POU2F3: variants seen among roughly 807,000 people sequenced by gnomAD.
The protein encoded by POU2F3 is POU domain, class 2, transcription factor 3.
A neutral mutation model predicts 59.2 loss-of-function variants in POU2F3; 23 were observed. The observed-to-expected ratio is 0.39, with a 90% confidence interval of 0.28 to 0.55. POU2F3 has a LOEUF of 0.55. POU2F3 is among the 20% of genes least tolerant of loss of function. The probability of loss-of-function intolerance (pLI) is 0.66; values close to 1 mark genes in which losing one functional copy is unlikely to be tolerated. For synonymous variants in POU2F3, 190 were observed against 214.6 expected, an observed-to-expected ratio of 0.89 and a Z score of 1.00; for missense variants, 473 against 544.5, an observed-to-expected ratio of 0.87 and a Z score of 1.31.
intron 1 of POU2F3, among the ~76,000 whole-genome samples, chr11:120,244,630 C>G (rs1261769836): frequency 6.6e-6 from 1 of 152,198 alleles, no homozygotes; most frequent in Non-Finnish European, 1.5e-5. Context: ...ACTTCCTGTG[C>G]ACCTTTCCAG....
chr11:120,299,540 C>T (rs1476462179), intron 4 of POU2F3, 84 bp from the exon 5 acceptor site: 3 of 1,268,026 alleles, frequency 2.4e-6, no homozygotes, highest in African/African-American at 2.9e-5. Flanking sequence ...CTGGAGACCC[C>T]TGGGACGGAC....
chr11:120,250,096 C>T (rs1035279108), intron 2 of POU2F3: 1 of 152,208 alleles, frequency 6.6e-6, no homozygotes, highest in Non-Finnish European at 1.5e-5. Context: ...CCCAGTTCTG[C>T]TTTTCACAAT....
At chr11:120,258,429 T>C (rs1263225429) in intron 2 of POU2F3, among the ~76,000 whole-genome samples, 2 of 152,166 alleles carry the variant, frequency 1.3e-5, no homozygotes, top group Non-Finnish European at 2.9e-5. Flanking sequence ...GAGTTGCCAT[T>C]TGCTGGTCGC....
In POU2F3 at chr11:120,317,278, C is replaced by A; in HGVS notation, c.1185C>A (p.Gly395=). 6.2e-7 allele frequency: 1 copy of A among 1,614,014 alleles called. No individual in the cohort carries two copies. The highest frequency in any genetic ancestry group is 8.5e-7 in the Non-Finnish European group (1 of 1,179,866). The stretch of plus-strand genomic sequence containing the variant: ...ACAACAGCAGGCCTTCATCTCCTGG[C>A]TCAGGACTCCACGCCAGCAGCCCCA... ...PGNNSRPSSP[G]SGLHASSPTA... Residue 395 remains glycine (G), a synonymous_variant, in exon 12 of 13, where the codon GGC becomes GGA. Coordinates refer to ENST00000543440, the MANE Select transcript of POU2F3 (RefSeq NM_014352.4).
chr11:120,256,871 C>G (rs1255327506), intron 2 of POU2F3: 2 of 152,158 alleles, frequency 1.3e-5, no homozygotes, highest in Non-Finnish European at 2.9e-5. Flanking sequence ...TTGGAGATAA[C>G]ATGGTGTAGT....
intron 10 of POU2F3, among the ~76,000 whole-genome samples, chr11:120,313,704 A>G (rs777177849): frequency 7.9e-5 from 12 of 152,194 alleles, no homozygotes; most frequent in Non-Finnish European, 1.8e-4. Context: ...GACCAAATAC[A>G]TTATCACTTA....
chr11:120,246,569 TG>T (rs768398446), intron 2 of POU2F3, 52 bp downstream of exon 2: 2 of 1,583,984 alleles, frequency 1.3e-6, no homozygotes, highest in Non-Finnish European at 1.7e-6. Flanking sequence ...AGAGAGTTGT[TG>T]GGAATTGTTG....
intron 12 of POU2F3, among the ~76,000 whole-genome samples, chr11:120,317,721 C>A (rs1490375243): frequency 6.6e-6 from 1 of 152,104 alleles, no homozygotes; most frequent in Non-Finnish European, 1.5e-5. Context: ...GAGCCCAGAG[C>A]TTAGGCACAA....
chr11:120,268,877 G>T (rs1939945396), intron 2 of POU2F3, among the ~76,000 whole-genome samples: 1 of 152,130 alleles, frequency 6.6e-6, no homozygotes, highest in Admixed American at 6.5e-5. Context: ...TGCCATCTGA[G>T]GGGGAAGCCC....
chr11:120,307,690 T>C lies in POU2F3; in HGVS notation c.906+75T>C, dbSNP rs565143330. 1.4e-4 allele frequency: 216 copies of C among 1,577,364 alleles called. 1 individual carries two copies. The African/African-American group carries it at 2.6e-3, about 19-fold the overall frequency. The stretch of plus-strand genomic sequence containing the variant: ...GGAGAGCAGACACGGCCCAGGCCCC[T>C]TGGCACCAGCCCCTCCGCACCTCAC... On this transcript the variant is annotated intron_variant, in intron 9 of 12. Coordinates refer to ENST00000543440, the MANE Select transcript of POU2F3 (RefSeq NM_014352.4).
chr11:120,275,225 G>A (rs1420200021), intron 3 of POU2F3, among the ~76,000 whole-genome samples: 1 of 152,182 alleles, frequency 6.6e-6, no homozygotes, highest in African/African-American at 2.4e-5. Context: ...GAGTGAGTGT[G>A]GCCTGGGAAA....
intron 3 of POU2F3, among the ~76,000 whole-genome samples, chr11:120,282,525 G>A (rs1050560148): frequency 6.6e-6 from 1 of 152,052 alleles, no homozygotes; most frequent in East Asian, 1.9e-4. Context: ...GCATGGTGGC[G>A]GGCACCTGTA....
intron 2 of POU2F3, chr11:120,256,769 A>G (rs1232227930): frequency 6.6e-6 from 1 of 152,254 alleles, no homozygotes; most frequent in Non-Finnish European, 1.5e-5. Flanking sequence ...GAGATGGTGC[A>G]GATTCACGGA....
chr11:120,281,943 T>C (rs913505500), intron 3 of POU2F3, among the ~76,000 whole-genome samples: 1 of 152,212 alleles, frequency 6.6e-6, no homozygotes, highest in Non-Finnish European at 1.5e-5. Flanking sequence ...TTGGACACAG[T>C]AGACACTCAA....
In POU2F3 at chr11:120,288,919, G is replaced by T. The variant is rs761666295; in HGVS notation, c.133-9346G>T. 1.3e-4 allele frequency among the ~76,000 whole-genome samples: 20 copies of T among 151,812 alleles called. 1 individual carries two copies. Among genetic ancestry groups the T allele is most frequent in the Non-Finnish European group, 2.1e-4 (14 of 67,942 alleles). ...GATAATGTACCTTTAAACCTCTCAA[G>T]ACACCTTTTTCACAGGCAAAAGAAG... On this transcript the variant is annotated intron_variant, in intron 3 of 12. Coordinates refer to ENST00000543440, the MANE Select transcript of POU2F3 (RefSeq NM_014352.4).
At chr11:120,315,324 C>T in intron 10 of POU2F3, 37 bp from the exon 11 acceptor site, 1 of 1,565,724 alleles carries the variant, frequency 6.4e-7, no homozygotes, top group Non-Finnish European at 8.8e-7. Context: ...GAGAAGGGAG[C>T]AGAAATGGAC....
intron 10 of POU2F3, among the ~76,000 whole-genome samples, chr11:120,314,629 G>A (rs903040900): frequency 6.6e-6 from 1 of 152,198 alleles, no homozygotes; most frequent in Non-Finnish European, 1.5e-5. Context: ...GATAGTGGTG[G>A]AGCTGTCTTA....
At chr11:120,278,362 G>A (rs1169565101) in intron 3 of POU2F3, among the ~76,000 whole-genome samples, 5 of 152,082 alleles carry the variant, frequency 3.3e-5, no homozygotes, top group East Asian at 1.9e-4. Context: ...GAGAAACCAC[G>A]CCACAGATTT....
chr11:120,314,230 G>A (rs1379670812), intron 10 of POU2F3, among the ~76,000 whole-genome samples: 1 of 152,194 alleles, frequency 6.6e-6, no homozygotes, highest in Non-Finnish European at 1.5e-5. Context: ...GATTAATGAC[G>A]AAATAAGTAC....
Sources: gnomAD v4.1 joint callset for allele counts (sites outside exome capture counted in the v4.1 genomes callset) on GRCh38, gnomAD v4.1.1 for gene constraint, MANE v1.5 for transcripts, NCBI Gene and HGNC (gene_info 2026-07-23, HGNC 2026-07-21) for gene names.